The following SLC12A6 variants were observed in gnomAD, a reference collection of about 807,000 sequenced individuals.
The protein encoded by SLC12A6 is K-Cl cotransporter 3.
A neutral mutation model predicts 135.3 loss-of-function variants in SLC12A6; 66 were observed. The observed-to-expected ratio is 0.49, with a 90% CI of 0.40 to 0.60. The LOEUF (loss-of-function observed/expected upper bound fraction) is 0.60, where lower values mean the gene tolerates loss of function less well. SLC12A6 is among the 20% of genes least tolerant of loss of function. SLC12A6 has a pLI of 0.00. For synonymous variants in SLC12A6, 513 were observed against 508.8 expected (o/e 1.01, Z -0.11); for missense variants, 1,058 against 1,452.3 (o/e 0.73, Z 4.41).
At chr15:34,295,988 G>A (rs1446410032) in intron 2 of SLC12A6, among the ~76,000 whole-genome samples, 2 of 151,980 alleles carry the variant, frequency 1.3e-5, no homozygotes, top group Non-Finnish European at 2.9e-5. Context: ...TGACAAGAGC[G>A]AAACTTCATC....
Position 34,299,175 on chromosome 15 carries a change from G to A in SLC12A6, c.272-23786C>T, listed in dbSNP as rs1896077234. Among the ~76,000 whole-genome samples, 7 of 151,620 alleles carry A rather than the reference G, an allele frequency of 4.6e-5. No homozygotes were observed. The South Asian group carries it at 1.0e-3, about 22-fold the overall frequency. ...ATCTCAGGCTGGGGGATGATGGTGG[G>A]GATGATGGTGGTAGCGGAGGCTACT... On this transcript the variant is annotated intron_variant, in intron 2 of 25. Coordinates refer to ENST00000354181, the MANE Select transcript of SLC12A6 (RefSeq NM_001365088.1).
chr15:34,256,667 A>C (rs1408937691), intron 6 of SLC12A6, among the ~76,000 whole-genome samples: 1 of 152,256 alleles, frequency 6.6e-6, no homozygotes, highest in Non-Finnish European at 1.5e-5. Flanking sequence ...ATGTTCAGTA[A>C]GAAAGGGAAT....
intron 9 of SLC12A6, among the ~76,000 whole-genome samples, chr15:34,252,869 T>C (rs1228907435): frequency 6.6e-6 from 1 of 152,206 alleles, no homozygotes; most frequent in African/African-American, 2.4e-5. Flanking sequence ...TAGAAAAGCC[T>C]AACATTCATA....
At chr15:34,331,800 T>G (rs1249221576) in intron 2 of SLC12A6, among the ~76,000 whole-genome samples, 1 of 152,204 alleles carries the variant, frequency 6.6e-6, no homozygotes, top group Non-Finnish European at 1.5e-5. Flanking sequence ...CAGAAAAGGT[T>G]TCAGAGAGGA....
At chr15:34,281,233 A>G (rs2140914884) in intron 2 of SLC12A6, among the ~76,000 whole-genome samples, 1 of 152,350 alleles carries the variant, frequency 6.6e-6, no homozygotes, top group East Asian at 1.9e-4. Flanking sequence ...TAAATGATTG[A>G]GACAATGGAT....
intron 2 of SLC12A6, among the ~76,000 whole-genome samples, chr15:34,276,969 G>A (rs1162485237): frequency 1.3e-5 from 2 of 152,110 alleles, no homozygotes; most frequent in Middle Eastern, 3.2e-3. Context: ...TACCACAGAA[G>A]TTTTAAATGC....
At chr15:34,300,370 C>T (rs1896157619) in intron 2 of SLC12A6, among the ~76,000 whole-genome samples, 1 of 152,140 alleles carries the variant, frequency 6.6e-6, no homozygotes, top group Admixed American at 6.5e-5. Flanking sequence ...ACTAGAATCA[C>T]ACAGAATGTC....
intron 2 of SLC12A6, among the ~76,000 whole-genome samples, chr15:34,333,334 A>C (rs1025343219): frequency 6.6e-6 from 1 of 151,590 alleles, no homozygotes; most frequent in Non-Finnish European, 1.5e-5. Context: ...GATTCAAGCA[A>C]TTCTCCTGTC....
chr15:34,307,683 T>G (rs1234216333), intron 2 of SLC12A6, among the ~76,000 whole-genome samples: 1 of 152,176 alleles, frequency 6.6e-6, no homozygotes, highest in Admixed American at 6.6e-5. Flanking sequence ...GAAATAAGTA[T>G]GAACTTGGTC....
intron 2 of SLC12A6, among the ~76,000 whole-genome samples, chr15:34,324,434 G>C (rs917892881): frequency 6.6e-6 from 1 of 152,028 alleles, no homozygotes; most frequent in African/African-American, 2.4e-5. Context: ...TTATTAATTA[G>C]TTTCAGTAAA....
rs2140654398 is a variant in SLC12A6, at chr15:34,239,140, C to T, written c.2457G>A (p.Glu819=). The T allele has an allele frequency of 6.2e-7, 1 of 1,613,810 alleles. No individual in the cohort carries two copies. Residue 819 remains glutamate, a synonymous_variant, in exon 20 of 26, where the codon GAG becomes GAA. Transcript: ENST00000354181. Reference sequence around the variant, plus strand: ...GGCAGAATCCTTTTACCTTCTCTGCCTCCATTAGGTGCTTTATGGTCTGAA... The same window carrying T: ...GGCAGAATCCTTTTACCTTCTCTGCTTCCATTAGGTGCTTTATGGTCTGAA... The part of the protein sequence containing the change: ...AAEQTIKHLM[E]AEKVKGFCQL...
chr15:34,326,166 T>C (rs1889443188), intron 2 of SLC12A6, among the ~76,000 whole-genome samples: 5 of 152,142 alleles, frequency 3.3e-5, no homozygotes, highest in Admixed American at 6.5e-5. Flanking sequence ...TTATAAAAGG[T>C]TGCCACCTTT....
At chr15:34,282,681 G>C (rs1169410169) in intron 2 of SLC12A6, among the ~76,000 whole-genome samples, 1 of 152,180 alleles carries the variant, frequency 6.6e-6, no homozygotes, top group East Asian at 1.9e-4. Flanking sequence ...GAGCCCAGAA[G>C]TTCAAGGTTG....
intron 5 of SLC12A6, among the ~76,000 whole-genome samples, chr15:34,258,274 T>C (rs1892890174): frequency 6.6e-6 from 1 of 152,214 alleles, no homozygotes; most frequent in South Asian, 2.1e-4. Flanking sequence ...GAATGTCTTA[T>C]ATTTTCATTT....
rs576104290 is a variant in SLC12A6 at position 34,236,466 on chromosome 15, T to C, written c.3042+242A>G. 3.3e-5 allele frequency among the ~76,000 whole-genome samples: 5 copies of C among 152,276 alleles called. No individual in the cohort carries two copies. In the South Asian group the frequency reaches 1.0e-3, roughly 32 times the overall value. ...GTTTAAGCACTTCTCTGCCTCAGCCTCCTGAGTAGCTGGGATTACAGGCAT... is the reference window on the plus strand; with the variant it reads ...GTTTAAGCACTTCTCTGCCTCAGCCCCCTGAGTAGCTGGGATTACAGGCAT... On this transcript the variant is annotated intron_variant, in intron 23 of 25. Transcript: ENST00000354181.
At chr15:34,241,206 A>G in intron 18 of SLC12A6, 27 bp downstream of exon 18, 1 of 1,151,500 alleles carries the variant, frequency 8.7e-7, no homozygotes, top group Non-Finnish European at 1.3e-6. Context: ...ACCATGTGCC[A>G]AATACTGCTA....
intron 22 of SLC12A6, 114 bp downstream of exon 22, chr15:34,237,305 G>A (rs572283573): frequency 6.0e-6 from 5 of 827,700 alleles, no homozygotes; most frequent in Admixed American, 4.9e-5. Flanking sequence ...TTTGGCACTA[G>A]GGGATTAATC....
chr15:34,309,683 A>C (rs746826412), intron 2 of SLC12A6, among the ~76,000 whole-genome samples: 2 of 152,234 alleles, frequency 1.3e-5, no homozygotes, highest in Non-Finnish European at 2.9e-5. Context: ...TCTTAGATAT[A>C]GTAAACAGAA....
chr15:34,237,286 T>G (rs954739965), intron 22 of SLC12A6, 133 bp downstream of exon 22: 70 of 588,356 alleles, frequency 1.2e-4, no homozygotes, highest in Middle Eastern at 7.1e-4. Flanking sequence ...GGTTTTTTTT[T>G]GTTTTTTTTT....
Sources: allele counts gnomAD v4.1 joint callset (sites outside exome capture counted in the v4.1 genomes callset), GRCh38; gene constraint gnomAD v4.1.1; transcripts MANE v1.5; gene names NCBI Gene and HGNC (gene_info 2026-07-23, HGNC 2026-07-21).